YPEL2: variants seen among roughly 807,000 people sequenced by gnomAD.
YPEL2 encodes the protein yippee like 2.
A neutral mutation model predicts 19.1 loss-of-function variants in YPEL2; 2 were observed. The observed-to-expected ratio is 0.10, with a 90% CI of 0.04 to 0.33. The LOEUF is 0.33. Ranked by LOEUF, YPEL2 falls within the 10% of genes least tolerant of loss-of-function variation. The pLI is 1.00. For missense variants in YPEL2, 66 were observed against 140.7 expected (o/e 0.47, Z 2.68); for synonymous variants, 52 against 50.0 (o/e 1.04, Z -0.17).
At chr17:59,340,614 A>T (rs981295160) in intron 1 of YPEL2, among the ~76,000 whole-genome samples, 1 of 148,390 alleles carries the variant, frequency 6.7e-6, no homozygotes, top group East Asian at 2.0e-4. Context: ...ACGGGGTTTC[A>T]CCGTGTTAGC....
At chr17:59,334,408 C>G (rs1259899699) in intron 1 of YPEL2, among the ~76,000 whole-genome samples, 1 of 149,694 alleles carries the variant, frequency 6.7e-6, no homozygotes, top group Non-Finnish European at 1.5e-5. Context: ...GGTGAGGAGT[C>G]AGGAGTTTGT....
intron 2 of YPEL2, among the ~76,000 whole-genome samples, chr17:59,379,369 A>G (rs1277735149): frequency 1.3e-5 from 2 of 152,180 alleles, no homozygotes; most frequent in Non-Finnish European, 2.9e-5. Context: ...GTTGGAGAAA[A>G]GAATGGAAAA....
At chr17:59,363,818 T>C (rs1262617914) in intron 2 of YPEL2, among the ~76,000 whole-genome samples, 1 of 152,236 alleles carries the variant, frequency 6.6e-6, no homozygotes, top group African/African-American at 2.4e-5. Context: ...TAGGTTCTTT[T>C]GGCCTTGCCT....
intron 2 of YPEL2, among the ~76,000 whole-genome samples, chr17:59,360,496 G>A (rs756159860): frequency 6.6e-6 from 1 of 152,188 alleles, no homozygotes; most frequent in Non-Finnish European, 1.5e-5. Flanking sequence ...TACCAAGTTG[G>A]CTTTTATAAA....
chr17:59,341,243 T>C (rs2047728416), intron 1 of YPEL2, among the ~76,000 whole-genome samples: 1 of 151,696 alleles, frequency 6.6e-6, no homozygotes, highest in Non-Finnish European at 1.5e-5. Context: ...ATACAAAAAA[T>C]TAGCCAGGCG....
intron 1 of YPEL2, among the ~76,000 whole-genome samples, chr17:59,334,210 C>A (rs949284170): frequency 6.6e-6 from 1 of 152,036 alleles, no homozygotes; most frequent in Non-Finnish European, 1.5e-5. Context: ...CTGTGCTGTT[C>A]ATAGATTATG....
At chr17:59,373,326 G>C (rs562041368) in intron 2 of YPEL2, among the ~76,000 whole-genome samples, 1 of 152,260 alleles carries the variant, frequency 6.6e-6, no homozygotes, top group South Asian at 2.1e-4. Context: ...CATGATAGGT[G>C]GAGTAGGTTG....
intron 4 of YPEL2, among the ~76,000 whole-genome samples, chr17:59,391,751 T>C (rs1243640690): frequency 1.3e-5 from 2 of 152,074 alleles, no homozygotes; most frequent in Non-Finnish European, 2.9e-5. Context: ...AATAAAAATA[T>C]TAGCTGGGCA....
At chr17:59,366,115 C>A (rs986428859) in intron 2 of YPEL2, 1 of 148,690 alleles carries the variant, frequency 6.7e-6, no homozygotes, top group African/African-American at 2.5e-5. Context: ...GGGAAGCTAA[C>A]TGTGACCTTA....
chr17:59,370,757 G>A (rs76294974), intron 2 of YPEL2, among the ~76,000 whole-genome samples: 1 of 62,612 alleles, frequency 1.6e-5, no homozygotes, highest in Non-Finnish European at 2.9e-5. Flanking sequence ...ACACAGAGGA[G>A]GGGCACAGGT....
chr17:59,351,115 C>T (rs945477132), intron 1 of YPEL2, among the ~76,000 whole-genome samples: 2 of 152,126 alleles, frequency 1.3e-5, no homozygotes, highest in African/African-American at 4.8e-5. Flanking sequence ...TGGTTCACAC[C>T]TGTAATGCCA....
At chr17:59,342,558 G>A (rs903089843) in intron 1 of YPEL2, among the ~76,000 whole-genome samples, 20 of 152,176 alleles carry the variant, frequency 1.3e-4, no homozygotes, top group African/African-American at 4.1e-4. Context: ...CCTGTCTGGG[G>A]ACAGAAAGAT....
chr17:59,333,288 GAT>G (rs1301660610), intron 1 of YPEL2, among the ~76,000 whole-genome samples: 2 of 152,240 alleles, frequency 1.3e-5, no homozygotes, highest in African/African-American at 4.8e-5. Context: ...CCAGCTCCAT[GAT>G]AGGATCTCAG....
chr17:59,356,294 C>T (rs1035700831), intron 2 of YPEL2: 5 of 110,882 alleles, frequency 4.5e-5, no homozygotes, highest in Non-Finnish European at 8.7e-5. Flanking sequence ...GCTTGACATT[C>T]GTTTGGTGCA....
chr17:59,382,601 C>T (rs2047955364), intron 2 of YPEL2, among the ~76,000 whole-genome samples: 1 of 152,030 alleles, frequency 6.6e-6, no homozygotes, highest in Non-Finnish European at 1.5e-5. Flanking sequence ...TGTAAGCATA[C>T]AATTTTTAAT....
intron 2 of YPEL2, 38 bp from the exon 3 acceptor site, chr17:59,388,289 T>C (rs1392342515): frequency 1.2e-6 from 2 of 1,611,516 alleles, no homozygotes; most frequent in African/African-American, 1.3e-5. Context: ...ATAGGTGAAA[T>C]GGATGTCTAA....
intron 2 of YPEL2, among the ~76,000 whole-genome samples, chr17:59,366,381 C>T (rs534486377): frequency 1.2e-3 from 184 of 152,284 alleles, no homozygotes; most frequent in African/African-American, 4.3e-3. Context: ...ACAAGGATCT[C>T]CTTCCTGAGC....
intron 1 of YPEL2, among the ~76,000 whole-genome samples, chr17:59,342,691 T>C (rs1184622653): frequency 6.6e-6 from 1 of 152,204 alleles, no homozygotes; most frequent in Non-Finnish European, 1.5e-5. Flanking sequence ...AGGGCGGCAG[T>C]CTCTTGGGGC....
chr17:59,391,727 C>G (rs2048008406), intron 4 of YPEL2, among the ~76,000 whole-genome samples: 1 of 152,098 alleles, frequency 6.6e-6, no homozygotes, highest in Non-Finnish European at 1.5e-5. Context: ...TAGTGAAACT[C>G]CGTCTCTACC....
Sources: gnomAD v4.1 joint callset for allele counts (sites outside exome capture counted in the v4.1 genomes callset) on GRCh38, gnomAD v4.1.1 for gene constraint, MANE v1.5 for transcripts, NCBI Gene and HGNC (gene_info 2026-07-23, HGNC 2026-07-21) for gene names.